WNK4: variants seen among roughly 807,000 people sequenced by gnomAD.
WNK4 encodes the protein WNK lysine deficient protein kinase 4.
A neutral mutation model predicts 116.2 loss-of-function variants in WNK4; 94 were observed. The ratio of observed to expected loss-of-function variants is 0.81; its 90% CI spans 0.68 to 0.96. The LOEUF is 0.96. Ranked by LOEUF, WNK4 falls within the 40% of genes least tolerant of loss-of-function variation. The pLI is 0.00. For synonymous variants in WNK4, 655 were observed against 672.7 expected, an observed-to-expected ratio of 0.97 and a Z score of 0.41; for missense variants, 1,542 against 1,650.6, an observed-to-expected ratio of 0.93 and a Z score of 1.14.
In WNK4 at chr17:42,788,806, G is replaced by A. The variant is rs770467885; in HGVS notation, c.2157+9G>A. 9.3e-6 allele frequency: 15 copies of A among 1,604,964 alleles called. No homozygotes were observed. The highest frequency in any genetic ancestry group is 1.3e-5 in the African/African-American group (1 of 74,726). Reference sequence around the variant, plus strand: ...AGATTGCAGCTGCCATGGTGAGGGGGAGAGAGATGAGGACAGAGTGTTTGG... The same window carrying A: ...AGATTGCAGCTGCCATGGTGAGGGGAAGAGAGATGAGGACAGAGTGTTTGG... On this transcript the variant is annotated intron_variant, in intron 11 of 18. Coordinates refer to ENST00000246914, the MANE Select transcript of WNK4 (RefSeq NM_032387.5).
At chr17:42,786,479 G>A (rs373189755) in intron 6 of WNK4, among the ~76,000 whole-genome samples, 28 of 152,108 alleles carry the variant, frequency 1.8e-4, no homozygotes, top group Non-Finnish European at 3.5e-4. Context: ...TGCAACCTCC[G>A]CCTCCTGGGT....
At position 42,784,859 on chromosome 17, in the gene WNK4, G is replaced by T. The variant is rs550944366; in HGVS notation, c.1171-238G>T. ...GCCCTGTGAGGTGAGCGGGGCAAAT[G>T]TTCCACCCTGCGATTTACAGATGAA... On this transcript the variant is annotated intron_variant, in intron 4 of 18. Coordinates refer to ENST00000246914, the MANE Select transcript of WNK4 (RefSeq NM_032387.5). The surrounding 1 kb of genome is among the most constrained non-coding windows in gnomAD (Gnocchi z 4.4). Among the ~76,000 whole-genome samples the T allele has an allele frequency of 1.9e-4, 28 of 148,918 alleles. No individual in the cohort carries two copies. In the East Asian group the frequency reaches 5.5e-3, roughly 29 times the overall value.
chr17:42,790,239 G>A lies in WNK4; in HGVS notation c.2157+1442G>A, dbSNP rs867809594. The stretch of plus-strand genomic sequence containing the variant: ...CTCTGTAATCCAGTAACCTATTGAC[G>A]TAGTAGAGAACATAGTACATAGTAG... On this transcript the variant is annotated intron_variant, in intron 11 of 18. Transcript: ENST00000246914. Among the ~76,000 whole-genome samples, 22 of 152,248 alleles carry A rather than the reference G, an allele frequency of 1.4e-4. 2 individuals carry two copies. In the Middle Eastern group the frequency reaches 0.01, roughly 71 times the overall value.
chr17:42,796,891 G>A lies in WNK4; in HGVS notation c.*203G>A, dbSNP rs1010693493. ...TGTGAACTGTTTGCTGTGTGGAGGT[G>A]TTAGTTCTGCTGCCTACCATCTTCA... On this transcript the variant is annotated 3_prime_UTR_variant, in exon 19 of 19. Transcript: ENST00000246914. 13 of 1,014,982 alleles carry A rather than the reference G, an allele frequency of 1.3e-5. No individual in the cohort carries two copies. The highest frequency in any genetic ancestry group is 1.8e-5 in the Non-Finnish European group (13 of 702,704). 62.9% of individuals were successfully genotyped at this position (1,014,982 alleles called of 1,614,324 possible). A position where few individuals can be genotyped will look rare whatever the true frequency, so the allele number is the denominator to read the frequency against.
At chr17:42,796,365 C>A in intron 17 of WNK4, 43 bp downstream of exon 17, 1 of 1,609,966 alleles carries the variant, frequency 6.2e-7, no homozygotes, top group African/African-American at 1.3e-5. Context: ...CCCTGAGACC[C>A]CTTTCTGTCG....
Position 42,796,285 on chromosome 17 carries a change from C to A in WNK4, c.3594C>A (p.Arg1198=). ...RLSKGSFPTS[R]RNSLQRSEPP... is the part of the protein sequence containing the mutation. ...CCAAGGGCAGCTTCCCCACCTCCCG[C>A]CGCAACAGCCTACAGCGCTCTGAGC... Residue 1198 remains arginine (R), a synonymous_variant, in exon 17 of 19, where the codon CGC becomes CGA. Coordinates refer to ENST00000246914, the MANE Select transcript of WNK4 (RefSeq NM_032387.5). 1 of 1,611,932 alleles carries A rather than the reference C, an allele frequency of 6.2e-7. No homozygotes were observed.
chr17:42,786,581 CG>C (rs1568028933), intron 6 of WNK4, among the ~76,000 whole-genome samples: 1 of 152,100 alleles, frequency 6.6e-6, no homozygotes, highest in Non-Finnish European at 1.5e-5. Flanking sequence ...TTAGTAGGAA[CG>C]GGGTTTCACC....
Position 42,785,428 on chromosome 17 carries a change from C to A in WNK4, c.1422C>A (p.Ile474=). The A allele has an allele frequency of 6.4e-7, 1 of 1,561,926 alleles. No homozygotes were observed. Among genetic ancestry groups the A allele is most frequent in the Non-Finnish European group, 8.7e-7 (1 of 1,152,698 alleles). ...RGGRPRDNQA[I]EFLFQLGRDA... is the part of the protein sequence containing the mutation. ...GGCGCCCACGGGACAACCAGGCCATCGAGTTCCTGTTCCAGCTGGGCCGGG... is the reference window on the plus strand; with the variant it reads ...GGCGCCCACGGGACAACCAGGCCATAGAGTTCCTGTTCCAGCTGGGCCGGG... The change falls in exon 6 of 19, where the codon ATC becomes ATA. Residue 474 remains isoleucine, a synonymous_variant. Coordinates refer to ENST00000246914, the MANE Select transcript of WNK4 (RefSeq NM_032387.5).
chr17:42,781,248 T>C lies in WNK4; in HGVS notation c.550T>C (p.Ser184Pro). ...LKFDIEIGRG[S>P]FKTVYRGLDT... is the part of the protein sequence containing the mutation. ...GTTTGACATCGAGATTGGACGTGGC[T>C]CCTTCAAGACGGTGTATCGAGGGCT... The change falls in exon 1 of 19, where the codon TCC becomes CCC. Residue 184 changes from serine to proline, a missense_variant. Transcript: ENST00000246914. 4 of 1,614,108 alleles carry C rather than the reference T, an allele frequency of 2.5e-6. No individual in the cohort carries two copies. The highest frequency in any genetic ancestry group is 3.4e-6 in the Non-Finnish European group (4 of 1,180,000).
At chr17:42,791,635 G>A (rs1354669066) in intron 11 of WNK4, among the ~76,000 whole-genome samples, 3 of 141,990 alleles carry the variant, frequency 2.1e-5, no homozygotes, top group Non-Finnish European at 4.6e-5. Flanking sequence ...GCGAAACTCT[G>A]TCTCAAAAAA....
At chr17:42,796,419 AC>A in intron 17 of WNK4, 61 bp from the exon 18 acceptor site, 1 of 1,611,658 alleles carries the variant, frequency 6.2e-7, no homozygotes, top group Non-Finnish European at 8.5e-7. Flanking sequence ...GGGGGAATAG[AC>A]CCCCTCTCCC....
At position 42,780,611 on chromosome 17, in the gene WNK4, G is replaced by C. The variant is rs960713079; in HGVS notation, c.-88G>C. 1.3e-5 allele frequency: 20 copies of C among 1,553,402 alleles called. No individual in the cohort carries two copies. Among genetic ancestry groups the C allele is most frequent in the Admixed American group, 1.7e-5 (1 of 58,792 alleles). ...GGCTGGGGCCGCAGCCGCTCAGCCG[G>C]AGCGCAGCGCACCCAGCGAGTCCGT... On this transcript the variant is annotated 5_prime_UTR_variant, in exon 1 of 19. Coordinates refer to ENST00000246914, the MANE Select transcript of WNK4 (RefSeq NM_032387.5).
intron 6 of WNK4, among the ~76,000 whole-genome samples, chr17:42,785,963 A>G (rs2054545315): frequency 6.6e-6 from 1 of 152,174 alleles, no homozygotes; most frequent in South Asian, 2.1e-4. Context: ...CCACTAGACT[A>G]TAAACTCCCT....
In WNK4 at chr17:42,796,250, C is replaced by T. The variant is rs750973929; in HGVS notation, c.3559C>T (p.Arg1187Cys). ...AGCTGCTATGCTGTCCAGCCGCCAG[C>T]GCCGCCTCTCCAAGGGCAGCTTCCC... Reference protein sequence around the residue: ...APAAMLSSRQRRLSKGSFPTS... With the variant: ...APAAMLSSRQCRLSKGSFPTS... The change falls in exon 17 of 19, where the codon CGC becomes TGC. Residue 1187 changes from arginine (R) to cysteine (C), a missense_variant. Physicochemically the swap from Arg to Cys is radical, Grantham distance 180 (BLOSUM62 -3). This residue lies in a region of WNK4 where 148 missense variants were observed against 157.2 expected (regional missense o/e 0.94). Transcript: ENST00000246914. The T allele has an allele frequency of 1.9e-5, 30 of 1,611,408 alleles. No individual in the cohort carries two copies. The highest frequency in any genetic ancestry group is 1.0e-4 in the Admixed American group (6 of 59,652).
In WNK4 at chr17:42,782,962, G is replaced by A. The variant is rs1290486146; in HGVS notation, c.791+32G>A. 1.2e-6 allele frequency: 2 copies of A among 1,610,584 alleles called. No individual in the cohort carries two copies. Among genetic ancestry groups the A allele is most frequent in the Non-Finnish European group, 8.5e-7 (1 of 1,178,604 alleles). The stretch of plus-strand genomic sequence containing the variant: ...TCTGCGCATGAGTGGGTGGGGAGAG[G>A]GAGGCTGGGATGTGTGCCCACTGCT... On this transcript the variant is annotated intron_variant, in intron 2 of 18. Transcript: ENST00000246914. The surrounding 1 kb of genome is among the most constrained non-coding windows in gnomAD (Gnocchi z 4.2).
Position 42,780,826 on chromosome 17 carries a change from C to G in WNK4, c.128C>G (p.Ala43Gly). ...QPRLGPPPRR[A>G]RRFSGKAEPR... ...CGCCTCGGGCCCCCTCCTCGCCGAG[C>G]GCGCCGCTTCTCCGGGAAGGCTGAG... is the stretch of plus-strand genomic sequence containing the variant. The change falls in exon 1 of 19, where the codon GCG becomes GGG. Residue 43 changes from alanine (A) to glycine (G), a missense_variant. Transcript: ENST00000246914. The G allele has an allele frequency of 6.2e-7, 1 of 1,601,276 alleles. No individual in the cohort carries two copies. The highest frequency in any genetic ancestry group is 8.5e-7 in the Non-Finnish European group (1 of 1,178,094).
Position 42,794,903 on chromosome 17 carries a change from A to G in WNK4, c.2482A>G (p.Ile828Val). 5 of 1,442,904 alleles carry G rather than the reference A, an allele frequency of 3.5e-6. No homozygotes were observed. Among genetic ancestry groups the G allele is most frequent in the Non-Finnish European group, 4.6e-6 (5 of 1,080,954 alleles). 89.4% of individuals were successfully genotyped at this position (1,442,904 alleles called of 1,614,324 possible). Residue 828 changes from isoleucine to valine, a missense_variant, in exon 14 of 19, where the codon ATC (isoleucine) becomes GTC (valine). This residue lies in a region of WNK4 where 808 missense variants were observed against 873.6 expected (regional missense o/e 0.92). Coordinates refer to ENST00000246914, the MANE Select transcript of WNK4 (RefSeq NM_032387.5). ...SPGTPISPGP[I>V]FPITSPPCHP... ...TGGAACCCCCATTTCCCCAGGTCCC[A>G]TCTTCCCCATCACTTCTCCCCCATG... is the stretch of plus-strand genomic sequence containing the variant.
rs1448960415 is a variant in WNK4, at chr17:42,784,997, G to A, written c.1171-100G>A. On this transcript the variant is annotated intron_variant, in intron 4 of 18. Transcript: ENST00000246914. The surrounding 1 kb of genome is among the most constrained non-coding windows in gnomAD (Gnocchi z 4.4). ...CAGTCAGGCTTTTGCAACTGCACGCGCAGCTGCCTAAGGAGGGAGTGGAGT... is the reference window on the plus strand; with the variant it reads ...CAGTCAGGCTTTTGCAACTGCACGCACAGCTGCCTAAGGAGGGAGTGGAGT... 3 of 1,243,912 alleles carry A rather than the reference G, an allele frequency of 2.4e-6. No homozygotes were observed. Among genetic ancestry groups the A allele is most frequent in the Non-Finnish European group, 3.4e-6 (3 of 871,962 alleles). The allele number at this position is 1,243,912 out of a possible 1,614,324, so 77.1% of individuals were successfully genotyped here. A position where few individuals can be genotyped will look rare whatever the true frequency, so the allele number is the denominator to read the frequency against.
chr17:42,788,128 A>T lies in WNK4; in HGVS notation c.1864-2A>T, dbSNP rs776933830. The T allele has an allele frequency of 9.9e-6, 16 of 1,614,144 alleles. No homozygotes were observed. The highest frequency in any genetic ancestry group is 1.3e-5 in the Non-Finnish European group (15 of 1,180,030). On this transcript the variant is annotated splice_acceptor_variant, in intron 8 of 18. Transcript: ENST00000246914. LOFTEE classifies it high-confidence loss of function. ...ACCTCATGAACCCTTATCCTGTTTCAGGCTTTTGCCCTATCCATTCCACGT... is the reference window on the plus strand; with the variant it reads ...ACCTCATGAACCCTTATCCTGTTTCTGGCTTTTGCCCTATCCATTCCACGT...
Sources: gnomAD v4.1 joint callset for allele counts (sites outside exome capture counted in the v4.1 genomes callset) on GRCh38, gnomAD v4.1.1 for gene constraint, gnomAD v4.1.1 regional missense constraint, Gnocchi (gnomAD v3.1) non-coding constraint, MANE v1.5 for transcripts, NCBI Gene and HGNC (gene_info 2026-07-23, HGNC 2026-07-21) for gene names.